The following MUCL1 variants were observed in gnomAD, a reference collection of about 807,000 sequenced individuals.
The protein encoded by MUCL1 is mucin-like protein 1.
MUCL1 carries 11 observed loss-of-function variants against 9.2 expected under a neutral mutation model. The observed-to-expected ratio is 1.19, with a 90% confidence interval of 0.75 to 1.97. MUCL1 has a LOEUF of 1.97. Ranked by LOEUF, MUCL1 falls within the 30% of genes most tolerant of loss-of-function variation. The pLI is 0.00. For synonymous variants in MUCL1, 48 were observed against 40.5 expected (o/e 1.19, Z -0.71); for missense variants, 144 against 110.9 (o/e 1.30, Z -1.34).
rs189546715 is a variant in MUCL1 at position 54,845,247 on chromosome 12, G to A, written c.43+5800G>A. Among the ~76,000 whole-genome samples the A allele has an allele frequency of 1.6e-3, 243 of 152,226 alleles. 2 individuals carry two copies. The highest frequency in any genetic ancestry group is 5.8e-3 in the African/African-American group (240 of 41,536). The stretch of plus-strand genomic sequence containing the variant: ...GGTATACTTTGTTACTGAGCAATGA[G>A]CTCTCTGCCCAATGCATATAGCAGT... On this transcript the variant is annotated intron_variant, in intron 1 of 3. Transcript: ENST00000546809.
upstream of MUCL1, among the ~76,000 whole-genome samples, chr12:54,852,115 C>G (rs1215724572): frequency 2.0e-5 from 3 of 152,172 alleles, no homozygotes; most frequent in South Asian, 4.1e-4. Flanking sequence ...CCATCCCCAT[C>G]AAGCTACCAA....
chr12:54,843,470 TTA>T (rs1959222865), intron 1 of MUCL1, among the ~76,000 whole-genome samples: 1 of 152,176 alleles, frequency 6.6e-6, no homozygotes, highest in Non-Finnish European at 1.5e-5. Context: ...AAACCTGCAT[TTA>T]TGTTAGATGG....
At chr12:54,845,654 G>A (rs1959243972) in intron 1 of MUCL1, among the ~76,000 whole-genome samples, 1 of 152,064 alleles carries the variant, frequency 6.6e-6, no homozygotes, top group Admixed American at 6.6e-5. Context: ...TATGTGACCT[G>A]CAACTTGAGG....
intron 1 of MUCL1, chr12:54,839,467 A>G: frequency 1.4e-6 from 1 of 701,694 alleles, no homozygotes; most frequent in Non-Finnish European, 2.6e-6. Context: ...TGCGACATCC[A>G]ATTGTGGACA....
chr12:54,850,917 T>A (rs1462513342), upstream of MUCL1, among the ~76,000 whole-genome samples: 1 of 152,240 alleles, frequency 6.6e-6, no homozygotes, highest in African/African-American at 2.4e-5. Context: ...CCAGTGATGG[T>A]GAGCATTTTT....
rs966813392 is a variant in MUCL1 at position 54,848,030 on chromosome 12, T to A, written c.44-7086T>A. Reference sequence around the variant, plus strand: ...GGACTTCCCTTCATCTCAATTCTTTTTTTTTTTTTTTTTTAATAAATGCAG... The same window carrying A: ...GGACTTCCCTTCATCTCAATTCTTTATTTTTTTTTTTTTTAATAAATGCAG... On this transcript the variant is annotated intron_variant, in intron 1 of 3. Transcript: ENST00000546809. 6.7e-4 allele frequency among the ~76,000 whole-genome samples: 101 copies of A among 150,034 alleles called. 1 individual carries two copies. The highest frequency in any genetic ancestry group is 1.4e-3 in the African/African-American group (57 of 41,016).
rs535046624 is a variant in MUCL1, at chr12:54,855,158, G to A, written c.100+1G>A. ...GCTCCAGCTGACACGTATCCAGCTA[G>A]TGAGTCTGCACTTGAATGTCATCTC... On this transcript the variant is annotated splice_donor_variant, in intron 2 of 3. Transcript: ENST00000308796. LOFTEE classifies it high-confidence loss of function. 6.2e-7 allele frequency: 1 copy of A among 1,613,110 alleles called. No homozygotes were observed. The highest frequency in any genetic ancestry group is 1.1e-5 in the South Asian group (1 of 91,050).
Position 54,847,705 on chromosome 12 carries a change from T to A in MUCL1, c.44-7411T>A, listed in dbSNP as rs141501902. 2.5e-4 allele frequency among the ~76,000 whole-genome samples: 38 copies of A among 152,312 alleles called. 1 individual carries two copies. The East Asian group carries it at 6.6e-3, about 26-fold the overall frequency. ...GCAATAATGGGTATTATGATAAGAA[T>A]AGAATCAAATGAGGTAGTGATAATT... On this transcript the variant is annotated intron_variant, in intron 1 of 3. Transcript: ENST00000546809.
upstream of MUCL1, among the ~76,000 whole-genome samples, chr12:54,850,223 A>C (rs1284109162): frequency 6.6e-6 from 1 of 152,022 alleles, no homozygotes; most frequent in Non-Finnish European, 1.5e-5. Context: ...GGTTTGTTAC[A>C]TATGTATACA....
At chr12:54,834,520 T>C (rs1481795863), upstream of MUCL1, among the ~76,000 whole-genome samples, 1 of 152,058 alleles carries the variant, frequency 6.6e-6, no homozygotes, top group Non-Finnish European at 1.5e-5. Context: ...AGGTAAACAA[T>C]GTAATGTTTT....
rs1592251301 is a variant in MUCL1 at position 54,858,372 on chromosome 12, A to T, written c.*130A>T. ...CAGTTTATTTTCTTTCAAATAAAAA[A>T]TAACTATGAGCAACATAAAAATGGT... On this transcript the variant is annotated 3_prime_UTR_variant, in exon 4 of 4. Coordinates refer to ENST00000308796, the MANE Select transcript of MUCL1 (RefSeq NM_058173.3). The T allele has an allele frequency of 5.0e-6, 6 of 1,189,976 alleles. 1 individual carries two copies. The highest frequency in any genetic ancestry group is 2.4e-5 in the East Asian group (1 of 41,920). 73.7% of individuals were successfully genotyped at this position (1,189,976 alleles called of 1,614,324 possible).
At chr12:54,837,919 C>T (rs964675590), upstream of MUCL1, among the ~76,000 whole-genome samples, 3 of 152,212 alleles carry the variant, frequency 2.0e-5, no homozygotes, top group African/African-American at 4.8e-5. Context: ...CATTCAGTTA[C>T]ATTCATATAC....
chr12:54,856,550 C>T (rs1331036360), intron 2 of MUCL1, among the ~76,000 whole-genome samples: 1 of 152,138 alleles, frequency 6.6e-6, no homozygotes, highest in Non-Finnish European at 1.5e-5. Flanking sequence ...AGTGTCATTG[C>T]CCTTGGAGGG....
At chr12:54,857,038 T>A in intron 3 of MUCL1, 146 bp downstream of exon 3, 1 of 1,258,380 alleles carries the variant, frequency 7.9e-7, no homozygotes, top group East Asian at 2.3e-5. Flanking sequence ...CTAAGTCAAG[T>A]CAACAGATAA....
chr12:54,840,178 T>C (rs1270227519), intron 1 of MUCL1, among the ~76,000 whole-genome samples: 9 of 152,006 alleles, frequency 5.9e-5, no homozygotes, highest in Admixed American at 5.9e-4. Flanking sequence ...TGTCCTCAAG[T>C]CTCCCAGAAG....
chr12:54,851,438 G>T (rs886838236), upstream of MUCL1, among the ~76,000 whole-genome samples: 3 of 152,076 alleles, frequency 2.0e-5, no homozygotes, highest in Non-Finnish European at 4.4e-5. Flanking sequence ...TGCAGAAAAG[G>T]CCTTTGACAA....
intron 1 of MUCL1, among the ~76,000 whole-genome samples, chr12:54,843,790 T>C (rs973605765): frequency 6.6e-6 from 1 of 152,196 alleles, no homozygotes; most frequent in African/African-American, 2.4e-5. Context: ...CAACCCTTGA[T>C]TTTGGCCTAG....
intron 1 of MUCL1, among the ~76,000 whole-genome samples, chr12:54,840,270 G>A (rs182697814): frequency 1.3e-5 from 2 of 152,346 alleles, no homozygotes; most frequent in Non-Finnish European, 2.9e-5. Flanking sequence ...GATAGCCTTA[G>A]TGTGTTGGCT....
chr12:54,833,869 C>T lies in MUCL1; in HGVS notation n.357+2994C>T, dbSNP rs377504780. ...ATAGCATTAGGAAATATACCTAATG[C>T]TAAATGATGAGTTAATGGGTGCAGC... is the stretch of plus-strand genomic sequence containing the variant. On this transcript the variant is annotated intron_variant and non_coding_transcript_variant, in intron 1 of 3. Transcript: ENST00000547990. Among the ~76,000 whole-genome samples the T allele has an allele frequency of 9.1e-4, 138 of 151,828 alleles. 1 individual carries two copies. Among genetic ancestry groups the T allele is most frequent in the East Asian group, 2.1e-3 (11 of 5,156 alleles).
Sources: gnomAD v4.1 joint callset for allele counts (sites outside exome capture counted in the v4.1 genomes callset) on GRCh38, gnomAD v4.1.1 for gene constraint, MANE v1.5 for transcripts, NCBI Gene and HGNC (gene_info 2026-07-23, HGNC 2026-07-21) for gene names.